ADCY2: variants seen among roughly 807,000 people sequenced by gnomAD.
ADCY2 encodes the protein adenylate cyclase type 2.
In ADCY2, 31 loss-of-function variants were observed where a neutral mutation model predicts 125.2. The observed-to-expected ratio is 0.25, with a 90% confidence interval of 0.19 to 0.33. ADCY2 has a LOEUF of 0.33. Among genes scored for constraint, ADCY2 ranks in the 10% least tolerant of loss-of-function variants. The pLI is 1.00. For synonymous variants in ADCY2, 512 were observed against 548.4 expected, an observed-to-expected ratio of 0.93 and a Z score of 0.93; for missense variants, 904 against 1,418.2, an observed-to-expected ratio of 0.64 and a Z score of 5.82.
chr5:7,763,407 A>G (rs999216779), intron 16 of ADCY2, among the ~76,000 whole-genome samples: 2 of 152,180 alleles, frequency 1.3e-5, no homozygotes, highest in African/African-American at 4.8e-5. Flanking sequence ...GTATTTTTTA[A>G]TTATGTAAAA....
At chr5:7,678,611 TG>T (rs1183345768) in intron 4 of ADCY2, among the ~76,000 whole-genome samples, 3 of 152,210 alleles carry the variant, frequency 2.0e-5, no homozygotes, top group Non-Finnish European at 4.4e-5. Flanking sequence ...GACACATAGG[TG>T]TTCAACAGTA....
intron 3 of ADCY2, among the ~76,000 whole-genome samples, chr5:7,598,089 T>A (rs1737070679): frequency 6.6e-6 from 1 of 152,112 alleles, no homozygotes; most frequent in Non-Finnish European, 1.5e-5. Context: ...AAGATACGCA[T>A]GGTGTGGTGG....
chr5:7,524,856 A>T (rs1437212043), intron 3 of ADCY2, among the ~76,000 whole-genome samples: 1 of 152,126 alleles, frequency 6.6e-6, no homozygotes, highest in Non-Finnish European at 1.5e-5. Context: ...TTTCCTCTTT[A>T]TAATTAAGAC....
rs1357147913 is a variant in ADCY2, at chr5:7,414,701, A to G, written c.339A>G (p.Ile113Met). ...TGCTGCGCCTCTTCTCGTTGGTGATATGGATATGCCTTGTTGCCATGGGAT... is the reference window on the plus strand; with the variant it reads ...TGCTGCGCCTCTTCTCGTTGGTGATGTGGATATGCCTTGTTGCCATGGGAT... Reference protein sequence around the residue: ...KKLLRLFSLVIWICLVAMGYL... With the variant: ...KKLLRLFSLVMWICLVAMGYL... The change falls in exon 2 of 25, where the codon ATA (isoleucine) becomes ATG (methionine). Residue 113 changes from isoleucine (I) to methionine (M), a missense_variant. Coordinates refer to ENST00000338316, the MANE Select transcript of ADCY2 (RefSeq NM_020546.3). The G allele has an allele frequency of 6.2e-7, 1 of 1,614,002 alleles. No homozygotes were observed. Among genetic ancestry groups the G allele is most frequent in the Non-Finnish European group, 8.5e-7 (1 of 1,179,992 alleles).
chr5:7,757,108 C>T (rs1487573055), intron 15 of ADCY2, among the ~76,000 whole-genome samples: 1 of 152,204 alleles, frequency 6.6e-6, no homozygotes, highest in African/African-American at 2.4e-5. Flanking sequence ...TAGCTGTGAT[C>T]AGAGACCCAA....
chr5:7,586,585 C>G (rs1736634834), intron 3 of ADCY2, among the ~76,000 whole-genome samples: 1 of 152,002 alleles, frequency 6.6e-6, no homozygotes, highest in Non-Finnish European at 1.5e-5. Flanking sequence ...GAATAGGAGA[C>G]AAGGTCATCT....
intron 4 of ADCY2, among the ~76,000 whole-genome samples, chr5:7,639,346 A>C (rs1262047271): frequency 6.6e-6 from 1 of 152,204 alleles, no homozygotes; most frequent in East Asian, 1.9e-4. Context: ...ATCCATACAG[A>C]GATTTATGTT....
At chr5:7,705,776 G>A (rs10454928) in intron 7 of ADCY2, among the ~76,000 whole-genome samples, 67,425 of 152,018 alleles carry the variant, frequency 0.44, 16,090 homozygotes, top group East Asian at 0.95. Flanking sequence ...AAATGGGGAA[G>A]GAAAATATCT....
intron 3 of ADCY2, among the ~76,000 whole-genome samples, chr5:7,544,972 C>T (rs1735105552): frequency 6.6e-6 from 1 of 152,196 alleles, no homozygotes; most frequent in South Asian, 2.1e-4. Context: ...TGCCCTGAGT[C>T]CATCCATGAA....
chr5:7,712,581 T>G (rs533667008), intron 10 of ADCY2, among the ~76,000 whole-genome samples: 1 of 152,228 alleles, frequency 6.6e-6, no homozygotes, highest in Admixed American at 6.5e-5. Context: ...TCAGATCTGA[T>G]AATACAGGCT....
chr5:7,603,784 CTTTTT>C, intron 3 of ADCY2, among the ~76,000 whole-genome samples: 17 of 62,800 alleles, frequency 2.7e-4, no homozygotes, highest in East Asian at 6.0e-4. Flanking sequence ...TGCTCTCTTT[CTTTTT>C]TTTTTTTTTT....
chr5:7,599,698 G>A (rs1737133035), intron 3 of ADCY2, among the ~76,000 whole-genome samples: 1 of 152,144 alleles, frequency 6.6e-6, no homozygotes, highest in Non-Finnish European at 1.5e-5. Context: ...TGAGAGTAAA[G>A]GCACGATCCT....
chr5:7,606,797 C>A (rs370373336), intron 3 of ADCY2, among the ~76,000 whole-genome samples: 1 of 152,174 alleles, frequency 6.6e-6, no homozygotes, highest in African/African-American at 2.4e-5. Flanking sequence ...GAAAGGTATA[C>A]ATACATTATA....
At chr5:7,614,467 C>T (rs1190415779) in intron 3 of ADCY2, among the ~76,000 whole-genome samples, 2 of 152,204 alleles carry the variant, frequency 1.3e-5, no homozygotes, top group African/African-American at 4.8e-5. Context: ...GTGCCCTCAA[C>T]CTCTAAGACT....
intron 3 of ADCY2, among the ~76,000 whole-genome samples, chr5:7,609,758 T>A (rs577378276): frequency 3.4e-4 from 52 of 152,138 alleles, no homozygotes; most frequent in Admixed American, 1.4e-3. Context: ...TGGAGAAGTA[T>A]CAGGGAGTAT....
chr5:7,518,713 C>T (rs892076647), intron 2 of ADCY2, among the ~76,000 whole-genome samples: 4 of 152,168 alleles, frequency 2.6e-5, no homozygotes, highest in African/African-American at 9.6e-5. Context: ...TTTTCCCACT[C>T]ACAGTGGGTT....
chr5:7,806,268 A>G (rs539701725), intron 22 of ADCY2, among the ~76,000 whole-genome samples: 2 of 152,182 alleles, frequency 1.3e-5, no homozygotes, highest in South Asian at 4.1e-4. Context: ...GGAAACAAAT[A>G]TATGCTCCTC....
intron 20 of ADCY2, chr5:7,800,461 A>C (rs60576065): frequency 0.25 from 37,700 of 152,070 alleles, 5,184 homozygotes; most frequent in Admixed American, 0.41. Flanking sequence ...CAGGAGTTCG[A>C]GACCAGCCTG....
At chr5:7,823,057 C>T (rs189117991) in intron 24 of ADCY2, among the ~76,000 whole-genome samples, 11 of 152,288 alleles carry the variant, frequency 7.2e-5, no homozygotes, top group African/African-American at 2.2e-4. Flanking sequence ...TATTAAACCT[C>T]GACTTACCTG....
Sources: gnomAD v4.1 joint callset for allele counts (sites outside exome capture counted in the v4.1 genomes callset) on GRCh38, gnomAD v4.1.1 for gene constraint, MANE v1.5 for transcripts, NCBI Gene and HGNC (gene_info 2026-07-23, HGNC 2026-07-21) for gene names.